Variants in LRRC9 observed in about 807,000 individuals in gnomAD.
LRRC9 encodes the protein leucine-rich repeat-containing protein 9.
In LRRC9, 122 loss-of-function variants were observed where a neutral mutation model predicts 63.2. That is an observed-to-expected ratio of 1.93 (90% CI 1.67 to 2.24). LRRC9 has a LOEUF of 2.24. LRRC9 is among the 30% of genes most tolerant of loss of function. The pLI is 0.00. For synonymous variants in LRRC9, 366 were observed against 213.1 expected, an observed-to-expected ratio of 1.72 and a Z score of -6.25; for missense variants, 1,071 against 627.7, an observed-to-expected ratio of 1.71 and a Z score of -7.55.
intron 8 of LRRC9, among the ~76,000 whole-genome samples, chr14:59,946,784 A>G (rs969437935): frequency 6.8e-6 from 1 of 146,476 alleles, no homozygotes; most frequent in Non-Finnish European, 1.5e-5. Flanking sequence ...GCGATAGTTT[A>G]CTGAGAATGA....
chr14:60,002,316 C>A (rs1030432189), intron 20 of LRRC9, among the ~76,000 whole-genome samples: 2 of 152,096 alleles, frequency 1.3e-5, no homozygotes, highest in Non-Finnish European at 2.9e-5. Flanking sequence ...TAACTTTAGT[C>A]GTTAAAGTTA....
At chr14:60,010,785 G>A (rs193230318) in intron 23 of LRRC9, among the ~76,000 whole-genome samples, 2 of 152,268 alleles carry the variant, frequency 1.3e-5, no homozygotes, top group South Asian at 2.1e-4. Flanking sequence ...AGGGGAAAAT[G>A]CCACCAATCT....
intron 31 of LRRC9, 65 bp from the exon 32 acceptor site, chr14:60,061,946 T>G (rs906561607): frequency 5.0e-6 from 2 of 397,968 alleles, no homozygotes; most frequent in East Asian, 7.2e-5. Context: ...TTAATGCTTA[T>G]GTTAATTAAT....
At position 59,990,175 on chromosome 14, in the gene LRRC9, C is replaced by A. The variant is rs1400113976; in HGVS notation, c.2211+4951C>A. Among the ~76,000 whole-genome samples, 1 of 152,126 alleles carries A rather than the reference C, an allele frequency of 6.6e-6. No homozygotes were observed. The highest frequency in any genetic ancestry group is 1.5e-5 in the Non-Finnish European group (1 of 68,028). On this transcript the variant is annotated intron_variant, in intron 17 of 31. Coordinates refer to ENST00000445360, the Ensembl canonical transcript of LRRC9. This position sits in a 1 kb window ranked among gnomAD's most constrained non-coding sequence, Gnocchi z 4.2. The stretch of plus-strand genomic sequence containing the variant: ...CTCCCGACTTCAGGTGATCTGCCCG[C>A]CTCGACCTCCCAAAGTGCTGGGATT...
chr14:59,981,416 G>A (rs1886915782), intron 15 of LRRC9, among the ~76,000 whole-genome samples: 1 of 152,078 alleles, frequency 6.6e-6, no homozygotes, highest in Admixed American at 6.6e-5. Flanking sequence ...CGTAATTACT[G>A]AATTACCTGA....
chr14:59,973,929 C>T lies in LRRC9; in HGVS notation c.1507-647C>T, dbSNP rs573511534. On this transcript the variant is annotated intron_variant, in intron 12 of 31. Transcript: ENST00000445360. ...AGGACAAATAGACCTGAGTTCAAAT[C>T]GTGACTTTGCCAATTACTAGTTCTG... Among the ~76,000 whole-genome samples, 688 of 152,192 alleles carry T rather than the reference C, an allele frequency of 4.5e-3. 8 individuals carry two copies. Among genetic ancestry groups the T allele is most frequent in the African/African-American group, 0.015 (640 of 41,550 alleles).
At position 59,959,881 on chromosome 14, in the gene LRRC9, A is replaced by C. The variant is rs548890947; in HGVS notation, c.946A>C (p.Ser316Arg). The change falls in exon 9 of 32, where the codon AGT becomes CGT. Residue 316 changes from serine (S) to arginine (R), a missense_variant. Physicochemically the swap from Ser to Arg is moderately radical, Grantham distance 110. Coordinates refer to ENST00000445360, the Ensembl canonical transcript of LRRC9. ...AGGGCACAGTGATGGATCCAATAAC[A>C]GTAAAGTAACTGATCCTGAAACACT... The C allele has an allele frequency of 1.0e-5, 7 of 698,800 alleles. No homozygotes were observed. The African/African-American group carries it at 1.2e-4, about 12-fold the overall frequency. 43.3% of individuals were successfully genotyped at this position (698,800 alleles called of 1,614,324 possible).
chr14:59,995,698 CT>C (rs1182825811), intron 17 of LRRC9, among the ~76,000 whole-genome samples: 1 of 150,934 alleles, frequency 6.6e-6, no homozygotes, highest in South Asian at 2.1e-4. Context: ...GATTCCCCCC[CT>C]GTTTTCAAGG....
At chr14:60,036,195 C>T (rs1043278406) in intron 29 of LRRC9, among the ~76,000 whole-genome samples, 1 of 152,064 alleles carries the variant, frequency 6.6e-6, no homozygotes, top group Admixed American at 6.6e-5. Flanking sequence ...CTCCCAAGAC[C>T]CCAACTCCTA....
At position 60,060,853 on chromosome 14, in the gene LRRC9, T is replaced by G. The variant is rs1428471877; in HGVS notation, c.4277-2470T>G. ...TAGACGCCATTAAAAACATTTGTAA[T>G]TCATCAGAGGAGGTCAAAATAGCAA... is the stretch of plus-strand genomic sequence containing the variant. On this transcript the variant is annotated intron_variant, in intron 31 of 31. Transcript: ENST00000445360. The surrounding 1 kb of genome is among the most constrained non-coding windows in gnomAD (Gnocchi z 4.0). Among the ~76,000 whole-genome samples the G allele has an allele frequency of 2.0e-5, 3 of 152,204 alleles. No homozygotes were observed. Among genetic ancestry groups the G allele is most frequent in the Non-Finnish European group, 4.4e-5 (3 of 68,038 alleles).
intron 29 of LRRC9, among the ~76,000 whole-genome samples, chr14:60,044,164 T>G (rs1358977721): frequency 6.6e-6 from 1 of 152,094 alleles, no homozygotes; most frequent in Non-Finnish European, 1.5e-5. Flanking sequence ...CTTTTTCATT[T>G]TTGATTTCAT....
At chr14:60,034,650 C>T (rs914232377) in intron 29 of LRRC9, among the ~76,000 whole-genome samples, 8 of 152,058 alleles carry the variant, frequency 5.3e-5, no homozygotes, top group Non-Finnish European at 1.2e-4. Flanking sequence ...TTTCCAATTC[C>T]ATCCATATTG....
intron 12 of LRRC9, among the ~76,000 whole-genome samples, chr14:59,972,287 G>T (rs1239285257): frequency 4.6e-5 from 7 of 152,052 alleles, no homozygotes; most frequent in Non-Finnish European, 1.0e-4. Flanking sequence ...TAGTTTGCAG[G>T]TTAATCCAAA....
intron 23 of LRRC9, among the ~76,000 whole-genome samples, chr14:60,013,365 T>A (rs1282813601): frequency 6.6e-6 from 1 of 152,150 alleles, no homozygotes; most frequent in Non-Finnish European, 1.5e-5. Flanking sequence ...CTGCTGTCCA[T>A]GAGTAGATTT....
At chr14:59,920,910 T>C (rs1888717097) in intron 1 of LRRC9, among the ~76,000 whole-genome samples, 1 of 152,214 alleles carries the variant, frequency 6.6e-6, no homozygotes, top group African/African-American at 2.4e-5. Context: ...CTGTGATAGG[T>C]TCACAGTTTC....
chr14:60,001,579 G>T (rs1889368063), intron 19 of LRRC9, among the ~76,000 whole-genome samples: 1 of 152,080 alleles, frequency 6.6e-6, no homozygotes, highest in South Asian at 2.1e-4. Flanking sequence ...AAGGAATGGT[G>T]GACAAAACAT....
intron 30 of LRRC9, among the ~76,000 whole-genome samples, chr14:60,055,906 GAAA>G (rs11395416): frequency 7.1e-6 from 1 of 140,642 alleles, no homozygotes. Context: ...CCCTGTCTTG[GAAA>G]AAAAAAAAAA....
intron 8 of LRRC9, among the ~76,000 whole-genome samples, chr14:59,948,525 G>T (rs1201737761): frequency 4.3e-5 from 5 of 116,790 alleles, no homozygotes; most frequent in Admixed American, 3.7e-4. Flanking sequence ...GATTGCCCTG[G>T]CCAGAACTTC....
At chr14:59,973,028 T>C (rs1043000183) in intron 12 of LRRC9, among the ~76,000 whole-genome samples, 3 of 152,118 alleles carry the variant, frequency 2.0e-5, no homozygotes, top group Admixed American at 6.6e-5. Context: ...ATTTATAGAG[T>C]AGATTCTTAG....
Sources: allele counts gnomAD v4.1 joint callset (sites outside exome capture counted in the v4.1 genomes callset), GRCh38; gene constraint gnomAD v4.1.1; non-coding constraint Gnocchi (gnomAD v3.1); transcripts MANE v1.5; gene names NCBI Gene and HGNC (gene_info 2026-07-23, HGNC 2026-07-21).